The following MED24 variants were observed in gnomAD, a reference collection of about 807,000 sequenced individuals.
MED24 encodes the protein mediator complex subunit 24.
Under a neutral mutation model 118.8 loss-of-function variants are expected in MED24, and 74 were observed. The observed-to-expected ratio is 0.62, with a 90% CI of 0.52 to 0.76. MED24 has a LOEUF of 0.76. Ranked by LOEUF, MED24 falls within the 30% of genes least tolerant of loss-of-function variation. The pLI is 0.00. For synonymous variants in MED24, 521 were observed against 523.9 expected (o/e 0.99, Z 0.08); for missense variants, 1,041 against 1,278.9 (o/e 0.81, Z 2.84).
chr17:40,043,376 G>C (rs539497495), intron 3 of MED24, among the ~76,000 whole-genome samples: 1 of 152,272 alleles, frequency 6.6e-6, no homozygotes, highest in African/African-American at 2.4e-5. Flanking sequence ...ATGGCACCAG[G>C]TTCAAGAGGC....
At position 40,033,140 on chromosome 17, in the gene MED24, G is replaced by A. The variant is rs146944756; in HGVS notation, c.738C>T (p.Ala246=). The A allele has an allele frequency of 1.9e-5, 31 of 1,614,028 alleles. No homozygotes were observed. The highest frequency in any genetic ancestry group is 1.9e-4 in the South Asian group (17 of 91,086). The change falls in exon 8 of 26, where the codon GCC becomes GCT. Residue 246 remains alanine, a synonymous_variant. Coordinates refer to ENST00000394128, the MANE Select transcript of MED24 (RefSeq NM_014815.4). This position sits in a 1 kb window ranked among gnomAD's most constrained non-coding sequence, Gnocchi z 5.2. ...TCATGGTGCCCTCGAGCAGGATCACGGCGTGGACAGTGGGGAAGCCGGTCT... is the reference window on the plus strand; with the variant it reads ...TCATGGTGCCCTCGAGCAGGATCACAGCGTGGACAGTGGGGAAGCCGGTCT... ...MHKTGFPTVH[A]VILLEGTMNL...
At chr17:40,031,888 T>C (rs915627415) in intron 10 of MED24, among the ~76,000 whole-genome samples, 155 bp downstream of exon 10, 2 of 151,370 alleles carry the variant, frequency 1.3e-5, no homozygotes, top group Non-Finnish European at 3.0e-5. Context: ...ACGCACATGC[T>C]GAAGCATGCA....
In MED24 at chr17:40,035,742, G is replaced by A; in HGVS notation, c.306C>T (p.Asp102=). The A allele has an allele frequency of 6.2e-7, 1 of 1,614,074 alleles. No individual in the cohort carries two copies. Among genetic ancestry groups the A allele is most frequent in the Non-Finnish European group, 8.5e-7 (1 of 1,179,990 alleles). The change falls in exon 5 of 26, where the codon GAC becomes GAT. Residue 102 remains aspartate (D), a synonymous_variant. Coordinates refer to ENST00000394128, the MANE Select transcript of MED24 (RefSeq NM_014815.4). ...CTTACCTCAGACGGTCACAAAACATGTCCATGATGTCCAGCAATGCCTGGA... is the reference window on the plus strand; with the variant it reads ...CTTACCTCAGACGGTCACAAAACATATCCATGATGTCCAGCAATGCCTGGA... The part of the protein sequence containing the change: ...LCVQALLDIM[D]MFCDRLSCHG...
intron 3 of MED24, among the ~76,000 whole-genome samples, chr17:40,043,945 A>G (rs1984860172): frequency 6.6e-6 from 1 of 150,824 alleles, no homozygotes; most frequent in Non-Finnish European, 1.5e-5. Flanking sequence ...CCTGGCCAAC[A>G]TGGAGAAACC....
intron 12 of MED24, among the ~76,000 whole-genome samples, chr17:40,030,340 G>C (rs946843317): frequency 2.6e-5 from 4 of 151,808 alleles, no homozygotes; most frequent in Admixed American, 6.6e-5. Context: ...CTGTCACCCA[G>C]GCTGGAATGC....
Position 40,033,477 on chromosome 17 carries a change from C to T in MED24, c.560-21G>A, listed in dbSNP as rs1201862411. Reference sequence around the variant, plus strand: ...AGAAGCTGGCAGAGGGAAGGAAGTACAGAAACATGATGGGAAACAGGAGAG... The same window carrying T: ...AGAAGCTGGCAGAGGGAAGGAAGTATAGAAACATGATGGGAAACAGGAGAG... On this transcript the variant is annotated intron_variant, in intron 6 of 25. Transcript: ENST00000394128. This position sits in a 1 kb window ranked among gnomAD's most constrained non-coding sequence, Gnocchi z 5.2. The T allele has an allele frequency of 1.3e-6, 2 of 1,548,488 alleles. No individual in the cohort carries two copies. Among genetic ancestry groups the T allele is most frequent in the East Asian group, 2.4e-5 (1 of 41,968 alleles).
chr17:40,019,551 G>A lies in MED24; in HGVS notation c.2948C>T (p.Ala983Val). ...CCCTCAGAGTGCAGCAATGGCTTTA[G>A]CAGCCACCTGGCGGCCCAGGGGCAG... ...LSLPLGRQVA[A>V]KAIAAL Residue 983 changes from alanine (A) to valine (V), a missense_variant, in exon 26 of 26, where the codon GCT becomes GTT. Physicochemically the swap from Ala to Val is moderately conservative, Grantham distance 64. Coordinates refer to ENST00000394128, the MANE Select transcript of MED24 (RefSeq NM_014815.4). The A allele has an allele frequency of 6.2e-7, 1 of 1,612,386 alleles. No individual in the cohort carries two copies. The highest frequency in any genetic ancestry group is 8.5e-7 in the Non-Finnish European group (1 of 1,179,622).
Position 40,034,811 on chromosome 17 carries a change from C to T in MED24, c.559+306G>A, listed in dbSNP as rs1983755465. 4 of 826,264 alleles carry T rather than the reference C, an allele frequency of 4.8e-6. No homozygotes were observed. The Admixed American group carries it at 1.2e-4, about 25-fold the overall frequency. The allele number at this position is 826,264 out of a possible 1,614,324, so 51.2% of individuals were successfully genotyped here. On this transcript the variant is annotated intron_variant, in intron 6 of 25. Transcript: ENST00000394128. ...GTCTTGCTACCCACTAGCAGCTATG[C>T]TTGATGAGGGCAGGGACCCTGCCAC...
chr17:40,052,217 C>T (rs766409057), intron 3 of MED24, among the ~76,000 whole-genome samples: 37 of 151,958 alleles, frequency 2.4e-4, no homozygotes, highest in Admixed American at 1.5e-3. Context: ...CGCTTGAACC[C>T]GGGAAACGGA....
intron 15 of MED24, 75 bp from the exon 16 acceptor site, chr17:40,027,540 G>C: frequency 7.0e-7 from 1 of 1,436,668 alleles, no homozygotes; most frequent in Non-Finnish European, 9.6e-7. Flanking sequence ...CAGGGATCGG[G>C]ATTTGCCTCT....
chr17:40,053,556 T>G lies in MED24; in HGVS notation c.43A>C (p.Lys15Gln), dbSNP rs765842673. Residue 15 changes from lysine (K) to glutamine (Q), a missense_variant, in exon 2 of 26, where the codon AAG (lysine) becomes CAG (glutamine). Transcript: ENST00000394128. ...CATTGGTAGTCACTCCAGCGCTCCT[T>G]CCAGGCTTGCAAAATGGCTTGCTTC... ...NLKQAILQAW[K>Q]ERWSDYQWAI... 1 of 1,614,154 alleles carries G rather than the reference T, an allele frequency of 6.2e-7. No individual in the cohort carries two copies. Among genetic ancestry groups the G allele is most frequent in the Admixed American group, 1.7e-5 (1 of 60,000 alleles).
intron 19 of MED24, among the ~76,000 whole-genome samples, chr17:40,023,905 G>C (rs1428776371): frequency 6.6e-6 from 1 of 152,200 alleles, no homozygotes; most frequent in Non-Finnish European, 1.5e-5. Context: ...TTTTCTCATG[G>C]AAAGAGGCTT....
intron 12 of MED24, 85 bp downstream of exon 12, chr17:40,031,074 G>A: frequency 2.2e-6 from 3 of 1,334,866 alleles, no homozygotes; most frequent in Non-Finnish European, 3.2e-6. Flanking sequence ...CTTTCGACAG[G>A]AGGTTGAAAG....
At chr17:40,023,432 C>T (rs749348129) in intron 19 of MED24, 37 bp from the exon 20 acceptor site, 208 of 1,545,552 alleles carry the variant, frequency 1.3e-4, no homozygotes, top group South Asian at 4.3e-4. Flanking sequence ...GCTCAGGTGC[C>T]ACTGTAGGGT....
At position 40,027,013 on chromosome 17, in the gene MED24, T is replaced by A. The variant is rs1982737038; in HGVS notation, c.1552A>T (p.Thr518Ser). The change falls in exon 17 of 26, where the codon ACA becomes TCA. Residue 518 changes from threonine (T) to serine (S), a missense_variant. By Grantham distance (58) the Thr-to-Ser change is moderately conservative. Transcript: ENST00000394128. ...GSEVILSESR[T>S]GAEVPFFETW... ...TCGAAGAAGGGCACCTCAGCTCCTG[T>A]GCGCGACTCGGACAGAATCACCTGG... 1 of 1,613,900 alleles carries A rather than the reference T, an allele frequency of 6.2e-7. No individual in the cohort carries two copies. Among genetic ancestry groups the A allele is most frequent in the Non-Finnish European group, 8.5e-7 (1 of 1,179,984 alleles).
At chr17:40,050,491 G>A (rs1985721939) in intron 3 of MED24, among the ~76,000 whole-genome samples, 1 of 152,000 alleles carries the variant, frequency 6.6e-6, no homozygotes, top group South Asian at 2.1e-4. Context: ...TGTACTTCAA[G>A]TGCTCATACA....
intron 6 of MED24, chr17:40,034,849 T>TGGGGGGGGGGGGGGGGG: frequency 3.3e-6 from 2 of 604,722 alleles, no homozygotes; most frequent in East Asian, 3.4e-5. Context: ...GCTCCTTTGG[T>TGGGGGGGGGGGGGGGGG]AGCCCCCCAC....
chr17:40,031,508 T>G (rs1237137390), intron 11 of MED24, 30 bp downstream of exon 11: 3 of 1,597,872 alleles, frequency 1.9e-6, no homozygotes, highest in Non-Finnish European at 2.6e-6. Context: ...CGCCTTCCAG[T>G]AGGGCGGGGG....
chr17:40,032,438 C>T lies in MED24; in HGVS notation c.936+211G>A, dbSNP rs1983499263. ...GTCTGATGACCAAGCTAAACTGCAC[C>T]TCTGTGGTAAGAAACAACGGAGTCT... On this transcript the variant is annotated intron_variant, in intron 9 of 25. Coordinates refer to ENST00000394128, the MANE Select transcript of MED24 (RefSeq NM_014815.4). 2.8e-5 allele frequency: 16 copies of T among 578,884 alleles called. No individual in the cohort carries two copies. The East Asian group carries it at 4.7e-4, about 17-fold the overall frequency. The allele number at this position is 578,884 out of a possible 1,614,324, so 35.9% of individuals were successfully genotyped here.
Sources: gnomAD v4.1 joint callset for allele counts (sites outside exome capture counted in the v4.1 genomes callset) on GRCh38, gnomAD v4.1.1 for gene constraint, Gnocchi (gnomAD v3.1) non-coding constraint, MANE v1.5 for transcripts, NCBI Gene and HGNC (gene_info 2026-07-23, HGNC 2026-07-21) for gene names.